SENP5: variants seen among roughly 807,000 people sequenced by gnomAD.
The protein encoded by SENP5 is SUMO specific peptidase 5, also known as sentrin-specific protease 5.
SENP5 carries 21 observed loss-of-function variants against 74.2 expected under a neutral mutation model. The observed-to-expected ratio is 0.28, with a 90% CI of 0.20 to 0.41. The LOEUF is 0.41. SENP5 is among the 10% of genes least tolerant of loss of function. SENP5 has a pLI of 1.00. For synonymous variants in SENP5, 311 were observed against 312.7 expected (o/e 0.99, Z 0.06); for missense variants, 717 against 889.1 (o/e 0.81, Z 2.46).
intron 6 of SENP5, among the ~76,000 whole-genome samples, chr3:196,911,581 A>G (rs1382492012): frequency 6.6e-6 from 1 of 151,034 alleles, no homozygotes; most frequent in African/African-American, 2.4e-5. Flanking sequence ...AAGGACATTT[A>G]TGTAGCCAAA....
At chr3:196,882,159 A>G (rs1713755134) in intron 1 of SENP5, among the ~76,000 whole-genome samples, 1 of 151,764 alleles carries the variant, frequency 6.6e-6, no homozygotes, top group African/African-American at 2.4e-5. Flanking sequence ...TTGGCCTCCC[A>G]AAGTGCTGGG....
intron 1 of SENP5, among the ~76,000 whole-genome samples, chr3:196,869,044 G>C (rs570250469): frequency 1.3e-5 from 2 of 151,834 alleles, no homozygotes; most frequent in African/African-American, 4.8e-5. Flanking sequence ...CATGTCTCAC[G>C]CTTATTGATG....
chr3:196,907,902 A>G (rs1714969503), intron 6 of SENP5, among the ~76,000 whole-genome samples: 1 of 152,102 alleles, frequency 6.6e-6, no homozygotes, highest in South Asian at 2.1e-4. Context: ...GTAAAAAAAA[A>G]AAAAACCCAG....
intron 6 of SENP5, among the ~76,000 whole-genome samples, chr3:196,919,059 A>G (rs141074823): frequency 8.5e-5 from 13 of 152,336 alleles, no homozygotes; most frequent in African/African-American, 3.1e-4. Flanking sequence ...TATCTGAGCT[A>G]AAGAGAGATA....
intron 2 of SENP5, among the ~76,000 whole-genome samples, chr3:196,892,596 A>G (rs923928964): frequency 6.6e-6 from 1 of 152,142 alleles, no homozygotes; most frequent in Non-Finnish European, 1.5e-5. Flanking sequence ...ATTCTCATCT[A>G]TTTTCAAGAC....
rs571874391 is a variant in SENP5, at chr3:196,933,337, C to T, written c.*2414C>T. 1 of 152,030 alleles carries T rather than the reference C, an allele frequency of 6.6e-6. No individual in the cohort carries two copies. The highest frequency in any genetic ancestry group is 2.1e-4 in the South Asian group (1 of 4,804). 9.4% of individuals were successfully genotyped at this position (152,030 alleles called of 1,614,324 possible). A position where few individuals can be genotyped will look rare whatever the true frequency, so the allele number is the denominator to read the frequency against. On this transcript the variant is annotated 3_prime_UTR_variant, in exon 10 of 10. Coordinates refer to ENST00000323460, the MANE Select transcript of SENP5 (RefSeq NM_152699.5). The stretch of plus-strand genomic sequence containing the variant: ...GGCCAATGTTAAGTATTTTAAAAGT[C>T]ATTTTAAAATATTTGTCATTGATGA...
In SENP5 at chr3:196,898,604, C is replaced by G. The variant is rs115052027; in HGVS notation, c.1514-1062C>G. 8.8e-3 allele frequency among the ~76,000 whole-genome samples: 1,333 copies of G among 151,816 alleles called. 21 individuals are homozygous for G. The highest frequency in any genetic ancestry group is 0.028 in the African/African-American group (1,169 of 41,416). ...AAAGAGACCCCATCTCCAAAAAATT[C>G]TATTTACTGTCTTAAAATGTGCTTC... On this transcript the variant is annotated intron_variant, in intron 2 of 9. Coordinates refer to ENST00000323460, the MANE Select transcript of SENP5 (RefSeq NM_152699.5).
intron 4 of SENP5, 116 bp from the exon 5 acceptor site, chr3:196,900,249 T>G: frequency 9.1e-7 from 1 of 1,103,936 alleles, no homozygotes; most frequent in South Asian, 1.7e-5. Context: ...TTATTCTGAT[T>G]GGGATGTACT....
intron 5 of SENP5, among the ~76,000 whole-genome samples, chr3:196,902,189 T>G (rs117593712): frequency 0.04 from 6,147 of 152,330 alleles, 283 homozygotes; most frequent in Admixed American, 0.16. Flanking sequence ...CAGTCATAGC[T>G]CACTGTAGCC....
At chr3:196,890,354 G>C (rs1264423081) in intron 2 of SENP5, among the ~76,000 whole-genome samples, 1 of 152,194 alleles carries the variant, frequency 6.6e-6, no homozygotes, top group Non-Finnish European at 1.5e-5. Context: ...ATGCTGGCTT[G>C]TCTCTAATAT....
chr3:196,869,759 CAAAAAAAAAAA>C (rs58745670), intron 1 of SENP5, among the ~76,000 whole-genome samples: 1 of 37,982 alleles, frequency 2.6e-5, no homozygotes, highest in African/African-American at 1.2e-4. Context: ...AACTCCGTCT[CAAAAAAAAAAA>C]AAAAAAAAAA....
intron 2 of SENP5, among the ~76,000 whole-genome samples, chr3:196,895,192 T>TC (rs1714390616): frequency 1.7e-4 from 4 of 23,026 alleles, no homozygotes; most frequent in African/African-American, 3.9e-4. Flanking sequence ...TTTAACTTCT[T>TC]TTTTTTTTTT....
intron 1 of SENP5, among the ~76,000 whole-genome samples, chr3:196,870,491 T>C (rs1713165713): frequency 1.3e-5 from 2 of 152,168 alleles, no homozygotes; most frequent in African/African-American, 4.8e-5. Context: ...ATTTTTTCTC[T>C]AAAATGATCA....
chr3:196,875,325 G>C (rs1257936190), intron 1 of SENP5, among the ~76,000 whole-genome samples: 1 of 152,146 alleles, frequency 6.6e-6, no homozygotes, highest in Non-Finnish European at 1.5e-5. Flanking sequence ...CTGTCCCACT[G>C]TATCTGCATT....
chr3:196,923,057 A>G (rs1317953651), intron 6 of SENP5, among the ~76,000 whole-genome samples: 1 of 152,102 alleles, frequency 6.6e-6, no homozygotes, highest in Non-Finnish European at 1.5e-5. Context: ...CTGGCCCCTT[A>G]TACCATTTTC....
intron 6 of SENP5, chr3:196,913,076 ATACAAT>A (rs1299301139): frequency 2.0e-5 from 3 of 152,222 alleles, no homozygotes; most frequent in Non-Finnish European, 2.9e-5. Context: ...AATATGTGTA[ATACAAT>A]TAAAACAGAA....
chr3:196,929,674 T>C lies in SENP5; in HGVS notation c.2148T>C (p.Phe716=), dbSNP rs1356614681. 6.2e-7 allele frequency: 1 copy of C among 1,608,110 alleles called. No homozygotes were observed. The highest frequency in any genetic ancestry group is 1.3e-5 in the African/African-American group (1 of 74,764). Residue 716 remains phenylalanine, a synonymous_variant, in exon 9 of 10, where the codon TTT becomes TTC. Coordinates refer to ENST00000323460, the MANE Select transcript of SENP5 (RefSeq NM_152699.5). ...QQKNDSDCGV[F]VLQYCKCLAL... is the part of the protein sequence containing the mutation. ...AAAACGACAGTGACTGTGGAGTCTT[T>C]GTGCTCCAGGTAAAGAAACACTTGC...
At chr3:196,923,810 T>C (rs949077231) in intron 7 of SENP5, among the ~76,000 whole-genome samples, 13 of 152,296 alleles carry the variant, frequency 8.5e-5, no homozygotes, top group Admixed American at 8.5e-4. Context: ...TTGAATGTGG[T>C]TAGAAATTGT....
chr3:196,929,440 G>T, intron 8 of SENP5, 193 bp from the exon 9 acceptor site: 1 of 512,528 alleles, frequency 2.0e-6, no homozygotes. Context: ...ATAAATTGGG[G>T]TTGCCACCTG....
Sources: gnomAD v4.1 joint callset for allele counts (sites outside exome capture counted in the v4.1 genomes callset) on GRCh38, gnomAD v4.1.1 for gene constraint, MANE v1.5 for transcripts, NCBI Gene and HGNC (gene_info 2026-07-23, HGNC 2026-07-21) for gene names.